The following FCGRT variants were observed in gnomAD, a reference collection of about 807,000 sequenced individuals.
The protein encoded by FCGRT is IgG receptor FcRn large subunit p51.
Under a neutral mutation model 35.7 loss-of-function variants are expected in FCGRT, and 13 were observed. That is an observed-to-expected ratio of 0.36 (90% CI 0.24 to 0.58). FCGRT has a LOEUF of 0.58. FCGRT is among the 20% of genes least tolerant of loss of function. The pLI, the probability that FCGRT is intolerant of heterozygous loss-of-function variation, is 0.77. For missense variants in FCGRT, 455 were observed against 474.9 expected (o/e 0.96, Z 0.39); for synonymous variants, 233 against 216.5 (o/e 1.08, Z -0.67).
chr19:49,524,338 G>A (rs1346238601), intron 4 of FCGRT, among the ~76,000 whole-genome samples, 169 bp from the exon 5 acceptor site: 3 of 152,118 alleles, frequency 2.0e-5, no homozygotes, highest in South Asian at 2.1e-4. Flanking sequence ...GGACACCTTC[G>A]GGGTGGACAG....
At chr19:49,525,024 C>G in intron 5 of FCGRT, 1 of 653,142 alleles carries the variant, frequency 1.5e-6, no homozygotes, top group Admixed American at 2.1e-5. Flanking sequence ...ATGGCCAGTC[C>G]TCCCTGAGTC....
At chr19:49,517,116 A>T (rs539329862) in intron 4 of FCGRT, among the ~76,000 whole-genome samples, 1 of 152,200 alleles carries the variant, frequency 6.6e-6, no homozygotes, top group Admixed American at 6.5e-5. Flanking sequence ...GCTTGAGCTC[A>T]GGAGTTTGAG....
At chr19:49,517,761 C>G (rs533063421) in intron 4 of FCGRT, among the ~76,000 whole-genome samples, 3 of 152,228 alleles carry the variant, frequency 2.0e-5, no homozygotes, top group African/African-American at 2.4e-5. Context: ...GGCTCAGTCT[C>G]GGCTCACTGC....
At chr19:49,517,483 T>A (rs755181366) in intron 4 of FCGRT, among the ~76,000 whole-genome samples, 41 of 150,922 alleles carry the variant, frequency 2.7e-4, no homozygotes, top group Non-Finnish European at 4.9e-4. Flanking sequence ...AAAGCAAGAC[T>A]CTGTCTCAAA....
At position 49,526,309 on chromosome 19, in the gene FCGRT, A is replaced by G; in HGVS notation, c.*190A>G. On this transcript the variant is annotated 3_prime_UTR_variant, in exon 7 of 7. Coordinates refer to ENST00000221466, the MANE Select transcript of FCGRT (RefSeq NM_001136019.3). The stretch of plus-strand genomic sequence containing the variant: ...ACATATGGCTGTTTTCCACCTCGAT[A>G]ATATAACACGAGTTTGGGCCCGAAT... 1 of 580,204 alleles carries G rather than the reference A, an allele frequency of 1.7e-6. No individual in the cohort carries two copies. The highest frequency in any genetic ancestry group is 3.1e-6 in the Non-Finnish European group (1 of 324,848). The allele number at this position is 580,204 out of a possible 1,614,324, so 35.9% of individuals were successfully genotyped here.
chr19:49,525,650 C>T, intron 6 of FCGRT, 77 bp downstream of exon 6: 1 of 970,868 alleles, frequency 1.0e-6, no homozygotes, highest in Non-Finnish European at 1.6e-6. Flanking sequence ...CCTGGGAGGA[C>T]AGAGACCCAG....
chr19:49,526,045 G>A lies in FCGRT; in HGVS notation c.1024G>A (p.Val342Ile). ...WISLRGDDTG[V>I]LLPTPGEAQD... ...CTCCCTTCGTGGAGACGACACCGGGGTCCTCCTGCCCACCCCAGGGGAGGC... is the reference window on the plus strand; with the variant it reads ...CTCCCTTCGTGGAGACGACACCGGGATCCTCCTGCCCACCCCAGGGGAGGC... Residue 342 changes from valine (V) to isoleucine (I), a missense_variant, in exon 7 of 7, where the codon GTC becomes ATC. Val to Ile is a conservative substitution (Grantham distance 29, BLOSUM62 3). Coordinates refer to ENST00000221466, the MANE Select transcript of FCGRT (RefSeq NM_001136019.3). 1 of 1,613,464 alleles carries A rather than the reference G, an allele frequency of 6.2e-7. No homozygotes were observed.
intron 4 of FCGRT, among the ~76,000 whole-genome samples, chr19:49,520,192 C>T (rs1450009373): frequency 1.1e-4 from 16 of 144,006 alleles, no homozygotes; most frequent in African/African-American, 2.9e-4. Context: ...TGCAGTAGCA[C>T]GATCTCGGCT....
intron 4 of FCGRT, chr19:49,520,779 A>G (rs1323432007): frequency 2.6e-5 from 4 of 152,384 alleles, no homozygotes; most frequent in African/African-American, 9.6e-5. Flanking sequence ...AGATTTGCTG[A>G]AAAGAATAGT....
chr19:49,525,099 C>T (rs940506527), intron 5 of FCGRT: 15 of 554,784 alleles, frequency 2.7e-5, no homozygotes, highest in African/African-American at 7.4e-5. Context: ...TCTGACCATT[C>T]GTTGTCTGCT....
At chr19:49,518,689 A>G (rs1413783883) in intron 4 of FCGRT, among the ~76,000 whole-genome samples, 3 of 151,838 alleles carry the variant, frequency 2.0e-5, no homozygotes, top group Admixed American at 2.0e-4. Context: ...GCAAGCCACC[A>G]CGCCCTGCTA....
chr19:49,521,849 T>C (rs1425758011), intron 4 of FCGRT: 1 of 152,006 alleles, frequency 6.6e-6, no homozygotes, highest in Non-Finnish European at 1.5e-5. Context: ...TTTTAAACTT[T>C]TTCAGAGACG....
chr19:49,514,270 C>T lies in FCGRT; in HGVS notation c.385C>T (p.Pro129Ser). The T allele has an allele frequency of 1.2e-6, 2 of 1,610,710 alleles. No individual in the cohort carries two copies. The highest frequency in any genetic ancestry group is 1.7e-6 in the Non-Finnish European group (2 of 1,178,714). ...CELGPDNTSV[P>S]TAKFALNGEE... ...ACTGGGCCCTGACAACACCTCGGTG[C>T]CCACCGCCAAGTTCGCCCTGAACGG... The change falls in exon 4 of 7, where the codon CCC becomes TCC. Residue 129 changes from proline (P) to serine (S), a missense_variant. Around this residue, in one of 3 missense-constraint regions of FCGRT, gnomAD observed 136 missense variants for 158.9 expected, o/e 0.86. Transcript: ENST00000221466.
intron 4 of FCGRT, chr19:49,521,627 C>T (rs2080041772): frequency 6.7e-6 from 1 of 149,576 alleles, no homozygotes; most frequent in African/African-American, 2.4e-5. Context: ...GCCTTGACCT[C>T]CCAAGTGCTG....
chr19:49,522,887 C>T (rs947867305), intron 4 of FCGRT, among the ~76,000 whole-genome samples: 7 of 150,008 alleles, frequency 4.7e-5, no homozygotes, highest in Admixed American at 2.7e-4. Flanking sequence ...ACGCCATTCT[C>T]CTGCCTCAGC....
At chr19:49,520,916 T>C (rs980119189) in intron 4 of FCGRT, 2 of 152,252 alleles carry the variant, frequency 1.3e-5, no homozygotes, top group African/African-American at 2.4e-5. Flanking sequence ...TGCTGTGCTT[T>C]CCTGAAGCAG....
At chr19:49,522,053 C>T (rs2080044202) in intron 4 of FCGRT, among the ~76,000 whole-genome samples, 1 of 151,492 alleles carries the variant, frequency 6.6e-6, no homozygotes, top group South Asian at 2.1e-4. Flanking sequence ...TCAATTTATA[C>T]ATTTTATAAA....
At position 49,524,572 on chromosome 19, in the gene FCGRT, G is replaced by A. The variant is rs1169330758; in HGVS notation, c.667G>A (p.Ala223Thr). The change falls in exon 5 of 7, where the codon GCC becomes ACC. Residue 223 changes from alanine to threonine, a missense_variant. By Grantham distance (58) the Ala-to-Thr change is moderately conservative. This residue lies in a region of FCGRT where 312 missense variants were observed against 296.1 expected (regional missense o/e 1.05). Transcript: ENST00000221466. ...SPGFSVLTCS[A>T]FSFYPPELQL... ...TGGCTTTTCCGTGCTTACCTGCAGC[G>A]CCTTCTCCTTCTACCCTCCGGAGCT... The A allele has an allele frequency of 3.1e-6, 5 of 1,613,068 alleles. No homozygotes were observed. Among genetic ancestry groups the A allele is most frequent in the Non-Finnish European group, 2.5e-6 (3 of 1,180,008 alleles).
At chr19:49,524,277 G>A (rs1029753442) in intron 4 of FCGRT, among the ~76,000 whole-genome samples, 4 of 152,182 alleles carry the variant, frequency 2.6e-5, no homozygotes, top group African/African-American at 9.6e-5. Flanking sequence ...AAAGTGTTGC[G>A]ATTACAGGCG....
Sources: allele counts gnomAD v4.1 joint callset (sites outside exome capture counted in the v4.1 genomes callset), GRCh38; gene constraint gnomAD v4.1.1; regional missense constraint gnomAD v4.1.1; transcripts MANE v1.5; gene names NCBI Gene and HGNC (gene_info 2026-07-23, HGNC 2026-07-21).